The following GALNT13 variants were observed in gnomAD, a reference collection of about 807,000 sequenced individuals.
GALNT13 encodes the protein UDP-GalNAc:polypeptide N-acetylgalactosaminyltransferase 13.
GALNT13 carries 28 observed loss-of-function variants against 64.2 expected under a neutral mutation model. That is an observed-to-expected ratio of 0.44 (90% CI 0.32 to 0.60). GALNT13 has a LOEUF of 0.60. Among genes scored for constraint, GALNT13 ranks in the 20% least tolerant of loss-of-function variants. The probability of loss-of-function intolerance (pLI) is 0.05; values close to 1 mark genes in which losing one functional copy is unlikely to be tolerated. For missense variants in GALNT13, 577 were observed against 669.8 expected (o/e 0.86, Z 1.53); for synonymous variants, 214 against 224.6 (o/e 0.95, Z 0.42).
At chr2:153,651,882 T>C in the GALNT13 span, among the ~76,000 whole-genome samples, 1 of 152,152 alleles carries the variant, frequency 6.6e-6, no homozygotes. Flanking sequence ...GTATCTGTTA[T>C]TTTTACATAT....
chr2:153,965,108 G>T (rs1456377746), intron 3 of GALNT13, among the ~76,000 whole-genome samples: 1 of 152,124 alleles, frequency 6.6e-6, no homozygotes, highest in Non-Finnish European at 1.5e-5. Flanking sequence ...AGGTACATGT[G>T]ATATTTTGAT....
chr2:153,511,086 G>A, the GALNT13 span, among the ~76,000 whole-genome samples: 2 of 152,150 alleles, frequency 1.3e-5, no homozygotes, highest in Non-Finnish European at 2.9e-5. Flanking sequence ...AGAGAAAGGG[G>A]TGGAAGGAGG....
At chr2:153,915,765 C>T (rs1689290771) in intron 2 of GALNT13, among the ~76,000 whole-genome samples, 1 of 152,106 alleles carries the variant, frequency 6.6e-6, no homozygotes, top group African/African-American at 2.4e-5. Flanking sequence ...ATGACTTCTG[C>T]AGCCTAGCCA....
At chr2:154,305,390 AACAC>A (rs758453204) in intron 9 of GALNT13, among the ~76,000 whole-genome samples, 1 of 150,750 alleles carries the variant, frequency 6.6e-6, no homozygotes, top group South Asian at 2.1e-4. Context: ...TGCACACACA[AACAC>A]ACACACACAC....
chr2:153,173,788 A>G, the GALNT13 span, among the ~76,000 whole-genome samples: 5 of 152,274 alleles, frequency 3.3e-5, no homozygotes, highest in South Asian at 1.0e-3. Flanking sequence ...AAAGTCTCAA[A>G]TCTCATTATC....
chr2:153,839,520 T>C, the GALNT13 span, among the ~76,000 whole-genome samples: 1 of 151,994 alleles, frequency 6.6e-6, no homozygotes, highest in East Asian at 1.9e-4. Context: ...TTGATTATAA[T>C]TTTTATCCTT....
the GALNT13 span, among the ~76,000 whole-genome samples, chr2:153,097,036 G>A: frequency 6.6e-6 from 1 of 151,760 alleles, no homozygotes. Context: ...TGTGTTCGTT[G>A]TATGTTTTTT....
At chr2:153,421,322 G>T in the GALNT13 span, 1 of 206,906 alleles carries the variant, frequency 4.8e-6, no homozygotes, top group East Asian at 1.2e-4. Flanking sequence ...TAAAGATTAG[G>T]GTAGTTTGGG....
the GALNT13 span, chr2:153,478,307 T>C: frequency 6.2e-7 from 1 of 1,614,098 alleles, no homozygotes; most frequent in Non-Finnish European, 8.5e-7. Flanking sequence ...AAGTTGATCA[T>C]GCCCTCGGAC....
the GALNT13 span, among the ~76,000 whole-genome samples, chr2:153,360,494 C>A: frequency 6.6e-6 from 1 of 152,282 alleles, no homozygotes; most frequent in South Asian, 2.1e-4. Flanking sequence ...AGGGCAGCAG[C>A]CATCTCTATA....
At chr2:154,175,163 T>C (rs1685577620) in intron 4 of GALNT13, among the ~76,000 whole-genome samples, 2 of 152,288 alleles carry the variant, frequency 1.3e-5, no homozygotes, top group Admixed American at 1.3e-4. Context: ...TCTTACCCAA[T>C]GAATACACAC....
chr2:153,691,779 A>G, the GALNT13 span, among the ~76,000 whole-genome samples: 1 of 152,124 alleles, frequency 6.6e-6, no homozygotes, highest in Admixed American at 6.6e-5. Context: ...TCAATACACT[A>G]CTGGTGGTAT....
the GALNT13 span, among the ~76,000 whole-genome samples, chr2:153,506,765 C>T: frequency 1.3e-5 from 2 of 152,160 alleles, no homozygotes; most frequent in Admixed American, 6.5e-5. Context: ...CCTGACAGCT[C>T]TTAAGATTCT....
chr2:153,886,047 A>C (rs1401980582), intron 1 of GALNT13, among the ~76,000 whole-genome samples: 1 of 152,004 alleles, frequency 6.6e-6, no homozygotes, highest in East Asian at 1.9e-4. Flanking sequence ...GAAGTTTCCA[A>C]GGTTCCCCCC....
At chr2:153,211,684 T>G in the GALNT13 span, among the ~76,000 whole-genome samples, 14 of 152,150 alleles carry the variant, frequency 9.2e-5, no homozygotes, top group African/African-American at 3.4e-4. Context: ...ACCTAGATGT[T>G]AGTGATGCAA....
the GALNT13 span, among the ~76,000 whole-genome samples, chr2:153,151,084 T>G: frequency 2.0e-5 from 3 of 152,132 alleles, no homozygotes; most frequent in Admixed American, 2.0e-4. Context: ...ATGATATTGA[T>G]TCTTCCTACC....
At chr2:153,596,803 A>G in the GALNT13 span, among the ~76,000 whole-genome samples, 1 of 152,084 alleles carries the variant, frequency 6.6e-6, no homozygotes, top group Non-Finnish European at 1.5e-5. Flanking sequence ...GCATGCAAAT[A>G]AAGACTCATC....
intron 2 of GALNT13, among the ~76,000 whole-genome samples, chr2:153,942,050 G>T (rs530308626): frequency 6.6e-6 from 1 of 152,140 alleles, no homozygotes; most frequent in African/African-American, 2.4e-5. Flanking sequence ...CTTTTATTAG[G>T]AAATGACTTA....
intron 3 of GALNT13, among the ~76,000 whole-genome samples, chr2:153,948,973 A>G (rs1160023895): frequency 1.3e-5 from 2 of 148,404 alleles, no homozygotes; most frequent in African/African-American, 2.4e-5. Context: ...ACAAACCTGC[A>G]CATGTGCCCC....
Sources: allele counts gnomAD v4.1 joint callset (sites outside exome capture counted in the v4.1 genomes callset), GRCh38; gene constraint gnomAD v4.1.1; transcripts MANE v1.5; gene names NCBI Gene and HGNC (gene_info 2026-07-23, HGNC 2026-07-21).